Variants in SV2C observed in about 807,000 individuals in gnomAD.
The protein encoded by SV2C is solute carrier family 22 member B3.
Under a neutral mutation model 79.7 loss-of-function variants are expected in SV2C, and 49 were observed. That is an observed-to-expected ratio of 0.61 (90% confidence interval 0.49 to 0.78). The LOEUF (loss-of-function observed/expected upper bound fraction) is 0.78, where lower values mean the gene tolerates loss of function less well. Among genes scored for constraint, SV2C ranks in the 30% least tolerant of loss-of-function variants. SV2C has a pLI of 0.00. For missense variants in SV2C, 833 were observed against 912.9 expected, an observed-to-expected ratio of 0.91 and a Z score of 1.13; for synonymous variants, 334 against 333.2, an observed-to-expected ratio of 1.00 and a Z score of -0.03.
intron 2 of SV2C, among the ~76,000 whole-genome samples, chr5:76,191,641 C>A (rs1213831880): frequency 6.6e-6 from 1 of 152,120 alleles, no homozygotes; most frequent in Non-Finnish European, 1.5e-5. Flanking sequence ...TGATATTTAT[C>A]AGGGGAAATG....
the SV2C span, among the ~76,000 whole-genome samples, chr5:75,969,741 A>G: frequency 2.0e-5 from 3 of 151,842 alleles, no homozygotes; most frequent in African/African-American, 4.9e-5. Flanking sequence ...TTAACACCCC[A>G]CTGTCAACAT....
At chr5:76,032,661 G>T in the SV2C span, among the ~76,000 whole-genome samples, 3 of 152,230 alleles carry the variant, frequency 2.0e-5, no homozygotes, top group Admixed American at 2.0e-4. Context: ...TGGACATCTG[G>T]GTTGGTTCCA....
chr5:76,032,579 A>C, the SV2C span, among the ~76,000 whole-genome samples: 1 of 152,182 alleles, frequency 6.6e-6, no homozygotes, highest in Non-Finnish European at 1.5e-5. Context: ...ACATGAACTC[A>C]TCATTTTTTA....
intron 12 of SV2C, among the ~76,000 whole-genome samples, chr5:76,309,628 G>A (rs199508326): frequency 0.022 from 2,593 of 115,834 alleles, 64 homozygotes; most frequent in African/African-American, 0.036. Context: ...AAAAAAAACA[G>A]AAAGAAAGAA....
intron 2 of SV2C, among the ~76,000 whole-genome samples, chr5:76,193,392 T>C (rs1327434556): frequency 6.6e-6 from 1 of 152,140 alleles, no homozygotes; most frequent in Non-Finnish European, 1.5e-5. Context: ...TGCCCCAAGA[T>C]CTCAGATGCA....
intron 4 of SV2C, among the ~76,000 whole-genome samples, chr5:76,259,940 A>G (rs1442225260): frequency 6.6e-6 from 1 of 152,208 alleles, no homozygotes; most frequent in Non-Finnish European, 1.5e-5. Context: ...TGAATGATGT[A>G]TAATCCTTTG....
chr5:76,213,469 A>C (rs916512150), intron 4 of SV2C, among the ~76,000 whole-genome samples: 2 of 152,120 alleles, frequency 1.3e-5, no homozygotes, highest in Non-Finnish European at 2.9e-5. Context: ...TTTTTCACAA[A>C]CACTTTTTAG....
At chr5:76,342,052 A>AGCCT (rs1749453001) in intron 12 of SV2C, among the ~76,000 whole-genome samples, 1 of 152,204 alleles carries the variant, frequency 6.6e-6, no homozygotes. Context: ...CCACAAAAGC[A>AGCCT]GCCTGCACAG....
chr5:75,969,232 T>G, the SV2C span, among the ~76,000 whole-genome samples: 4 of 152,110 alleles, frequency 2.6e-5, no homozygotes, highest in Non-Finnish European at 5.9e-5. Context: ...TGCCAAATTG[T>G]AAAGACCATC....
chr5:76,120,520 C>A (rs1748451704), intron 1 of SV2C, among the ~76,000 whole-genome samples: 2 of 104,648 alleles, frequency 1.9e-5, no homozygotes, highest in South Asian at 4.1e-4. Context: ...CTCCCCCCTC[C>A]CCCCACCCCA....
intron 1 of SV2C, among the ~76,000 whole-genome samples, chr5:76,117,348 A>C (rs909717747): frequency 1.3e-5 from 2 of 152,234 alleles, no homozygotes; most frequent in Non-Finnish European, 2.9e-5. Flanking sequence ...AACTTCACTG[A>C]GTTACATAAA....
the SV2C span, among the ~76,000 whole-genome samples, chr5:76,063,498 T>C: frequency 6.6e-5 from 10 of 152,208 alleles, no homozygotes; most frequent in East Asian, 1.9e-3. Context: ...CTTCCATCGG[T>C]GGTAGAATCA....
chr5:76,030,938 A>G, the SV2C span, among the ~76,000 whole-genome samples: 4 of 152,214 alleles, frequency 2.6e-5, no homozygotes, highest in Admixed American at 6.5e-5. Context: ...TAATACATAA[A>G]TCAAATATTT....
At chr5:76,052,290 AAG>A in the SV2C span, among the ~76,000 whole-genome samples, 1 of 152,230 alleles carries the variant, frequency 6.6e-6, no homozygotes, top group Non-Finnish European at 1.5e-5. Context: ...GTGCTTCAGA[AAG>A]AGAAAGCTTT....
chr5:76,249,371 G>A (rs1297564432), intron 4 of SV2C, among the ~76,000 whole-genome samples: 1 of 152,146 alleles, frequency 6.6e-6, no homozygotes. Flanking sequence ...GATGTAAAAT[G>A]TTTATCAATT....
the SV2C span, among the ~76,000 whole-genome samples, chr5:75,940,001 C>T: frequency 1.3e-5 from 2 of 152,288 alleles, no homozygotes. Context: ...AACCTCATTC[C>T]TGCGACTATC....
At chr5:76,048,577 A>C in the SV2C span, among the ~76,000 whole-genome samples, 1 of 152,166 alleles carries the variant, frequency 6.6e-6, no homozygotes, top group Non-Finnish European at 1.5e-5. Flanking sequence ...GCCTTTAAAA[A>C]GGTGATGAAG....
In SV2C at chr5:76,325,292, G is replaced by A. The variant is rs149251938; in HGVS notation, c.2001-72G>A. 1.2e-5 allele frequency: 17 copies of A among 1,470,802 alleles called. No homozygotes were observed. In the Middle Eastern group the frequency reaches 7.2e-4, roughly 63 times the overall value. The allele number at this position is 1,470,802 out of a possible 1,614,324, so 91.1% of individuals were successfully genotyped here. On this transcript the variant is annotated intron_variant, in intron 12 of 12. Coordinates refer to ENST00000502798, the MANE Select transcript of SV2C (RefSeq NM_014979.4). Reference sequence around the variant, plus strand: ...TGAGGGAAGATCATTGAAAATCTAGGATCTTTTGGTCTAAAGTTGGAATCA... The same window carrying A: ...TGAGGGAAGATCATTGAAAATCTAGAATCTTTTGGTCTAAAGTTGGAATCA...
At chr5:76,320,409 A>C (rs1748790888) in intron 12 of SV2C, among the ~76,000 whole-genome samples, 1 of 152,116 alleles carries the variant, frequency 6.6e-6, no homozygotes. Flanking sequence ...AATGTACAAC[A>C]CCAATGTAAT....
Sources: allele counts gnomAD v4.1 joint callset (sites outside exome capture counted in the v4.1 genomes callset), GRCh38; gene constraint gnomAD v4.1.1; transcripts MANE v1.5; gene names NCBI Gene and HGNC (gene_info 2026-07-23, HGNC 2026-07-21).